Variants in FAF1 observed in about 807,000 individuals in gnomAD.
The protein encoded by FAF1 is Fas associated factor 1.
Under a neutral mutation model 92.5 loss-of-function variants are expected in FAF1, and 25 were observed. The ratio of observed to expected loss-of-function variants is 0.27; its 90% CI spans 0.20 to 0.38. FAF1 has a LOEUF of 0.38. Ranked by LOEUF, FAF1 falls within the 10% of genes least tolerant of loss-of-function variation. The probability of loss-of-function intolerance (pLI) is 1.00; values close to 1 mark genes in which losing one functional copy is unlikely to be tolerated. For missense variants in FAF1, 636 were observed against 793.3 expected, an observed-to-expected ratio of 0.80 and a Z score of 2.38; for synonymous variants, 234 against 273.2, an observed-to-expected ratio of 0.86 and a Z score of 1.42.
intron 3 of FAF1, among the ~76,000 whole-genome samples, chr1:50,793,608 A>G (rs1661641379): frequency 6.6e-6 from 1 of 152,218 alleles, no homozygotes; most frequent in Non-Finnish European, 1.5e-5. Context: ...ACCACTGGAA[A>G]CAAATGATCT....
At position 50,475,699 on chromosome 1, in the gene FAF1, GGT is replaced by G; in HGVS notation, c.1654-22_1654-21del. 3 of 1,577,292 alleles carry G rather than the reference GGT, an allele frequency of 1.9e-6. No homozygotes were observed. The highest frequency in any genetic ancestry group is 2.6e-6 in the Non-Finnish European group (3 of 1,152,430). ...GATGGCCTAGGGAGAGCAAAAACCA[GGT>G]GTTAAAATGTGAGAAGGACTGGACT... is the stretch of plus-strand genomic sequence containing the variant. On this transcript the variant is annotated intron_variant, in intron 17 of 18. Coordinates refer to ENST00000396153, the MANE Select transcript of FAF1 (RefSeq NM_007051.3).
At chr1:50,720,113 T>TA (rs1658347520) in intron 6 of FAF1, among the ~76,000 whole-genome samples, 1 of 152,124 alleles carries the variant, frequency 6.6e-6, no homozygotes, top group Non-Finnish European at 1.5e-5. Flanking sequence ...GCAATTGTCT[T>TA]ACCTCAGCCT....
chr1:50,924,734 G>A (rs891214494), intron 1 of FAF1, among the ~76,000 whole-genome samples: 1 of 152,302 alleles, frequency 6.6e-6, no homozygotes, highest in South Asian at 2.1e-4. Flanking sequence ...TGTAAACCCA[G>A]CACTTTGGGA....
chr1:50,605,060 C>T (rs1371514487), intron 8 of FAF1, among the ~76,000 whole-genome samples: 6 of 152,140 alleles, frequency 3.9e-5, no homozygotes, highest in Admixed American at 3.9e-4. Context: ...CTTCCTTATA[C>T]TGTCCCAACA....
At chr1:50,645,259 A>C (rs1056905272) in intron 8 of FAF1, among the ~76,000 whole-genome samples, 1 of 152,222 alleles carries the variant, frequency 6.6e-6, no homozygotes, top group Non-Finnish European at 1.5e-5. Flanking sequence ...TAACAAAGTA[A>C]TTTAAATAGC....
chr1:50,517,955 TTTTTAA>T (rs1443393792), intron 15 of FAF1, among the ~76,000 whole-genome samples: 49 of 152,360 alleles, frequency 3.2e-4, no homozygotes, highest in African/African-American at 1.1e-3. Flanking sequence ...TTACTTTTCC[TTTTTAA>T]TTTTATTTCC....
intron 17 of FAF1, among the ~76,000 whole-genome samples, chr1:50,481,431 C>T (rs561204982): frequency 7.2e-5 from 11 of 152,184 alleles, no homozygotes; most frequent in African/African-American, 2.7e-4. Context: ...TTTAGATATA[C>T]AAACACTTAC....
chr1:50,808,283 A>C (rs1006307981), intron 2 of FAF1, among the ~76,000 whole-genome samples: 1 of 152,200 alleles, frequency 6.6e-6, no homozygotes, highest in South Asian at 2.1e-4. Context: ...GAAAAGAAAG[A>C]CTAATACAGG....
Position 50,681,132 on chromosome 1 carries a change from C to T in FAF1, c.657+24654G>A, listed in dbSNP as rs745673185. Among the ~76,000 whole-genome samples the T allele has an allele frequency of 2.6e-5, 4 of 152,062 alleles. No homozygotes were observed. The South Asian group carries it at 6.2e-4, about 24-fold the overall frequency. ...CATGATCTCAGCTCACTGCAACCTC[C>T]GCCTCCCAGGTTCAAATGATTCTTC... On this transcript the variant is annotated intron_variant, in intron 7 of 18. Transcript: ENST00000396153.
intron 2 of FAF1, among the ~76,000 whole-genome samples, chr1:50,838,026 A>G (rs980577521): frequency 2.0e-5 from 3 of 152,170 alleles, no homozygotes; most frequent in African/African-American, 7.2e-5. Context: ...TACAGGCGTG[A>G]GCCACCGCGC....
At chr1:50,781,152 A>AG in intron 4 of FAF1, 1 of 269,160 alleles carries the variant, frequency 3.7e-6, no homozygotes, top group South Asian at 3.6e-5. Context: ...TGCCCCGGTG[A>AG]GGGTCTACCC....
At chr1:50,949,733 C>A (rs1645198978) in intron 1 of FAF1, among the ~76,000 whole-genome samples, 2 of 152,206 alleles carry the variant, frequency 1.3e-5, no homozygotes, top group Non-Finnish European at 2.9e-5. Flanking sequence ...GACCCCTAAT[C>A]TAGGTCAGTT....
chr1:50,442,367 T>C (rs1646178731), intron 18 of FAF1, among the ~76,000 whole-genome samples: 2 of 152,364 alleles, frequency 1.3e-5, no homozygotes, highest in South Asian at 4.1e-4. Context: ...TACTTTAAAT[T>C]ACAGCTGTGT....
At chr1:50,611,179 G>A (rs1652668554) in intron 8 of FAF1, among the ~76,000 whole-genome samples, 1 of 152,156 alleles carries the variant, frequency 6.6e-6, no homozygotes, top group African/African-American at 2.4e-5. Flanking sequence ...TTTGTGTCAA[G>A]TTACTAATTC....
intron 1 of FAF1, among the ~76,000 whole-genome samples, chr1:50,943,611 T>C (rs555210160): frequency 2.6e-5 from 4 of 152,286 alleles, no homozygotes; most frequent in Admixed American, 6.5e-5. Context: ...CCTAGTCTAA[T>C]TGAATGACTC....
intron 12 of FAF1, among the ~76,000 whole-genome samples, chr1:50,570,899 T>C (rs1650406370): frequency 6.6e-6 from 1 of 152,306 alleles, no homozygotes; most frequent in African/African-American, 2.4e-5. Flanking sequence ...TCAACCAATT[T>C]GGAAGAGTTG....
intron 4 of FAF1, among the ~76,000 whole-genome samples, chr1:50,766,570 G>A (rs1239091991): frequency 6.6e-6 from 1 of 151,868 alleles, no homozygotes; most frequent in African/African-American, 2.4e-5. Context: ...GATCTTTGGA[G>A]GGAAGGCATT....
chr1:50,638,911 A>G (rs1018321477), intron 8 of FAF1, among the ~76,000 whole-genome samples: 1 of 152,244 alleles, frequency 6.6e-6, no homozygotes, highest in African/African-American at 2.4e-5. Flanking sequence ...TATTCCAATA[A>G]GCACAAACAC....
chr1:50,798,910 C>T (rs1661865910), intron 3 of FAF1, among the ~76,000 whole-genome samples: 1 of 152,118 alleles, frequency 6.6e-6, no homozygotes, highest in Non-Finnish European at 1.5e-5. Flanking sequence ...GATGGAGTCT[C>T]ACTCTGTCAC....
Sources: allele counts gnomAD v4.1 joint callset (sites outside exome capture counted in the v4.1 genomes callset), GRCh38; gene constraint gnomAD v4.1.1; transcripts MANE v1.5; gene names NCBI Gene and HGNC (gene_info 2026-07-23, HGNC 2026-07-21).